The following NCALD variants were observed in gnomAD, a reference collection of about 807,000 sequenced individuals.
NCALD encodes the protein neurocalcin delta, also known as neurocalcin-delta.
NCALD carries 10 observed loss-of-function variants against 18.6 expected under a neutral mutation model. That is an observed-to-expected ratio of 0.54 (90% confidence interval 0.33 to 0.91). The LOEUF is 0.91. NCALD is among the 40% of genes least tolerant of loss of function. NCALD has a pLI of 0.03. For synonymous variants in NCALD, 88 were observed against 87.4 expected (o/e 1.01, Z -0.04); for missense variants, 184 against 247.6 (o/e 0.74, Z 1.72).
At chr8:101,958,454 C>A (rs1268842679) in intron 2 of NCALD, among the ~76,000 whole-genome samples, 1 of 152,062 alleles carries the variant, frequency 6.6e-6, no homozygotes, top group African/African-American at 2.4e-5. Flanking sequence ...GAGAAAACTC[C>A]TTGGAGTTCG....
intron 1 of NCALD, among the ~76,000 whole-genome samples, chr8:101,784,862 G>T (rs111929469): frequency 0.011 from 1,609 of 152,252 alleles, 35 homozygotes; most frequent in African/African-American, 0.034. Flanking sequence ...AATACAATCT[G>T]CCACAACATA....
At chr8:101,913,616 C>T (rs1817876654) in intron 3 of NCALD, among the ~76,000 whole-genome samples, 1 of 152,160 alleles carries the variant, frequency 6.6e-6, no homozygotes, top group African/African-American at 2.4e-5. Context: ...GAGTTTCGCT[C>T]TTGTTGCCCA....
At chr8:101,820,661 C>T (rs1813684139) in intron 4 of NCALD, among the ~76,000 whole-genome samples, 1 of 152,104 alleles carries the variant, frequency 6.6e-6, no homozygotes, top group Non-Finnish European at 1.5e-5. Flanking sequence ...AGAATCCCTG[C>T]TGTAGATGGG....
rs1586415751 is a variant in NCALD at position 101,756,810 on chromosome 8, T to C, written c.-20+34052A>G. ...TTGATATACATTGTATGTCTTGTTT[T>C]GCAATTATTAAATTTATCCTATTAG... On this transcript the variant is annotated intron_variant, in intron 1 of 3. Transcript: ENST00000220931. Among the ~76,000 whole-genome samples, 4 of 152,208 alleles carry C rather than the reference T, an allele frequency of 2.6e-5. No individual in the cohort carries two copies. In the South Asian group the frequency reaches 6.2e-4, roughly 24 times the overall value.
intron 4 of NCALD, among the ~76,000 whole-genome samples, chr8:101,854,675 C>A (rs1458040875): frequency 1.3e-5 from 2 of 152,036 alleles, no homozygotes; most frequent in African/African-American, 4.8e-5. Flanking sequence ...TCCTAGACTC[C>A]CATGGAAAAA....
chr8:101,924,286 C>T (rs139791060), intron 2 of NCALD, among the ~76,000 whole-genome samples: 39 of 152,308 alleles, frequency 2.6e-4, no homozygotes, highest in Admixed American at 1.4e-3. Context: ...CATCCATTCA[C>T]GCTAATGGTG....
intron 4 of NCALD, among the ~76,000 whole-genome samples, chr8:101,818,781 G>A (rs1198267895): frequency 6.6e-6 from 1 of 152,088 alleles, no homozygotes; most frequent in Non-Finnish European, 1.5e-5. Context: ...CAAGACAGGT[G>A]GATCACCTGA....
chr8:101,696,247 G>A (rs117001231), intron 2 of NCALD, among the ~76,000 whole-genome samples: 80 of 152,250 alleles, frequency 5.3e-4, no homozygotes, highest in Non-Finnish European at 1.1e-3. Flanking sequence ...TGTGTACCAG[G>A]TATTGACATT....
intron 1 of NCALD, among the ~76,000 whole-genome samples, chr8:102,072,293 C>T (rs1366618895): frequency 6.6e-6 from 1 of 152,082 alleles, no homozygotes; most frequent in Non-Finnish European, 1.5e-5. Flanking sequence ...TGAGGAATTT[C>T]CAGCTGGGGT....
In NCALD at chr8:101,689,074, C is replaced by T. The variant is rs922014999; in HGVS notation, c.*235G>A. 1.4e-6 allele frequency: 1 copy of T among 702,772 alleles called. No individual in the cohort carries two copies. Among genetic ancestry groups the T allele is most frequent in the Non-Finnish European group, 2.6e-6 (1 of 385,036 alleles). 43.5% of individuals were successfully genotyped at this position (702,772 alleles called of 1,614,324 possible). On this transcript the variant is annotated 3_prime_UTR_variant, in exon 4 of 4. Coordinates refer to ENST00000220931, the MANE Select transcript of NCALD (RefSeq NM_032041.3). The surrounding 1 kb of genome is among the most constrained non-coding windows in gnomAD (Gnocchi z 4.4). ...ATAGTAACGATTAAAAATCATCAAA[C>T]AATGAACACCACGAAGTCTGTCCAT...
At chr8:101,730,418 T>G (rs1816768909) in intron 1 of NCALD, among the ~76,000 whole-genome samples, 1 of 134,570 alleles carries the variant, frequency 7.4e-6, no homozygotes, top group African/African-American at 2.9e-5. Flanking sequence ...AGGTGGAGGT[T>G]GTGGTGATCC....
rs578199447 is a variant in NCALD, at chr8:101,894,061, A to AT, written c.-106-6835dup. 6.8e-4 allele frequency among the ~76,000 whole-genome samples: 100 copies of AT among 147,156 alleles called. 3 individuals are homozygous for AT. The East Asian group carries it at 0.014, about 21-fold the overall frequency. On this transcript the variant is annotated intron_variant, in intron 3 of 6. Transcript: ENST00000311028. ...TCCACCCCAAATCAACAGAATATAC[A>AT]TTTTTTTCAGCACCACCACACCTAT...
chr8:101,987,692 G>A (rs995864408), intron 2 of NCALD, among the ~76,000 whole-genome samples: 1 of 152,064 alleles, frequency 6.6e-6, no homozygotes, highest in Admixed American at 6.5e-5. Flanking sequence ...TTACTAGATG[G>A]ATATTCCAGA....
chr8:101,872,641 AT>A (rs1816067303), intron 4 of NCALD: 2 of 440,268 alleles, frequency 4.5e-6, no homozygotes, highest in African/African-American at 4.0e-5. Context: ...CCTTGCAGAT[AT>A]GTGGGCCTAA....
At chr8:101,932,213 G>A (rs1818603453) in intron 2 of NCALD, among the ~76,000 whole-genome samples, 1 of 152,082 alleles carries the variant, frequency 6.6e-6, no homozygotes, top group Non-Finnish European at 1.5e-5. Flanking sequence ...CCTGCCACAG[G>A]GACTTGCAGT....
At chr8:101,862,088 TACC>T (rs1815567109) in intron 4 of NCALD, among the ~76,000 whole-genome samples, 1 of 152,242 alleles carries the variant, frequency 6.6e-6, no homozygotes, top group Non-Finnish European at 1.5e-5. Context: ...CATTCCATGA[TACC>T]ACCAAGTATT....
chr8:101,784,224 C>CGGCTGAGACTTTAGCAAGAGATGTT (rs1812130448), intron 1 of NCALD, among the ~76,000 whole-genome samples: 5 of 152,012 alleles, frequency 3.3e-5, no homozygotes, highest in Admixed American at 2.6e-4. Flanking sequence ...TGCTGGATGT[C>CGGCTGAGACTTTAGCAAGAGATGTT]GGCTGAGACT....
chr8:101,978,566 A>C (rs894178629), intron 2 of NCALD, among the ~76,000 whole-genome samples: 1 of 152,220 alleles, frequency 6.6e-6, no homozygotes, highest in Non-Finnish European at 1.5e-5. Context: ...GCCTGATTCT[A>C]CAGCCCAGTC....
chr8:101,791,872 C>A (rs758546609), upstream of NCALD, among the ~76,000 whole-genome samples: 3 of 152,106 alleles, frequency 2.0e-5, no homozygotes. Flanking sequence ...AAGCCCAGAG[C>A]CATAGAATGA....
Sources: allele counts gnomAD v4.1 joint callset (sites outside exome capture counted in the v4.1 genomes callset), GRCh38; gene constraint gnomAD v4.1.1; non-coding constraint Gnocchi (gnomAD v3.1); transcripts MANE v1.5; gene names NCBI Gene and HGNC (gene_info 2026-07-23, HGNC 2026-07-21).